Variants in ATP8B1 observed in about 807,000 individuals in gnomAD.
ATP8B1 encodes ATPase phospholipid transporting 8B1.
A neutral mutation model predicts 149.9 loss-of-function variants in ATP8B1; 80 were observed. The ratio of observed to expected loss-of-function variants is 0.53; its 90% CI spans 0.45 to 0.64. The LOEUF (loss-of-function observed/expected upper bound fraction) is 0.64. Ranked by LOEUF, ATP8B1 falls within the 30% of genes least tolerant of loss-of-function variation. The pLI is 0.00. For missense variants in ATP8B1, 1,247 were observed against 1,552.6 expected, an observed-to-expected ratio of 0.80 and a Z score of 3.31; for synonymous variants, 536 against 562.8, an observed-to-expected ratio of 0.95 and a Z score of 0.67.
rs17759233 is a variant in ATP8B1 at position 57,652,212 on chromosome 18, G to A, written c.3262-40C>T. 0.083 allele frequency: 133,084 copies of A among 1,611,344 alleles called. 9,086 individuals are homozygous for A. The highest frequency in any genetic ancestry group is 0.36 in the East Asian group (16,232 of 44,840). On this transcript the variant is annotated intron_variant, in intron 25 of 27. Transcript: ENST00000648908. Reference sequence around the variant, plus strand: ...GAGAAAAACAGAGCACTCATTTTGGGGAGTTAGCAAGAAATAAAGGATCTA... The same window carrying A: ...GAGAAAAACAGAGCACTCATTTTGGAGAGTTAGCAAGAAATAAAGGATCTA...
intron 2 of ATP8B1, among the ~76,000 whole-genome samples, chr18:57,727,901 A>T (rs1175490837): frequency 6.6e-6 from 1 of 152,224 alleles, no homozygotes; most frequent in African/African-American, 2.4e-5. Flanking sequence ...CTCATCCCAT[A>T]GCACTGAAAA....
intron 1 of ATP8B1, among the ~76,000 whole-genome samples, chr18:57,778,253 T>G (rs1269468160): frequency 2.0e-5 from 3 of 146,388 alleles, no homozygotes; most frequent in African/African-American, 5.1e-5. Flanking sequence ...TGAGACGGAG[T>G]CTCGCTCTGT....
chr18:57,772,198 A>G (rs1027128529), intron 1 of ATP8B1, among the ~76,000 whole-genome samples: 10 of 152,180 alleles, frequency 6.6e-5, no homozygotes, highest in Non-Finnish European at 1.5e-4. Context: ...CTACCCGCCC[A>G]TCAGTGGCAA....
chr18:57,713,691 T>C (rs1326527604), intron 2 of ATP8B1, among the ~76,000 whole-genome samples: 1 of 107,692 alleles, frequency 9.3e-6, no homozygotes, highest in Non-Finnish European at 2.0e-5. Context: ...GGTTGCACCA[T>C]GTTGGTCAGG....
intron 11 of ATP8B1, among the ~76,000 whole-genome samples, chr18:57,694,230 G>A (rs1912688446): frequency 6.6e-6 from 1 of 152,116 alleles, no homozygotes; most frequent in African/African-American, 2.4e-5. Context: ...GCCTCTATGG[G>A]AAAGTAACAG....
chr18:57,736,637 T>G (rs2079859295), intron 1 of ATP8B1, among the ~76,000 whole-genome samples: 1 of 150,488 alleles, frequency 6.6e-6, no homozygotes, highest in South Asian at 2.1e-4. Context: ...TTTTTTTTTT[T>G]TTTTGTAGCG....
chr18:57,757,244 C>T (rs1162063862), intron 1 of ATP8B1, among the ~76,000 whole-genome samples: 1 of 152,204 alleles, frequency 6.6e-6, no homozygotes, highest in East Asian at 1.9e-4. Context: ...CACTTTCAAG[C>T]TAGCACTGTG....
intron 1 of ATP8B1, among the ~76,000 whole-genome samples, chr18:57,778,526 G>A (rs1373131588): frequency 5.3e-5 from 8 of 152,094 alleles, no homozygotes; most frequent in Non-Finnish European, 1.0e-4. Flanking sequence ...CACCGCGCCC[G>A]GCCTATAATC....
At chr18:57,791,953 A>T in intron 1 of ATP8B1, among the ~76,000 whole-genome samples, 1 of 152,200 alleles carries the variant, frequency 6.6e-6, no homozygotes, top group Non-Finnish European at 1.5e-5. Context: ...CACTGTGTTT[A>T]CTGCCAGCAC....
intron 2 of ATP8B1, among the ~76,000 whole-genome samples, chr18:57,706,894 TCTCTC>T (rs1913424884): frequency 6.6e-6 from 1 of 152,126 alleles, no homozygotes; most frequent in Non-Finnish European, 1.5e-5. Flanking sequence ...CTAGAACAGA[TCTCTC>T]CCTTGTAGCT....
intron 2 of ATP8B1, among the ~76,000 whole-genome samples, chr18:57,730,984 A>G (rs980407373): frequency 6.6e-6 from 1 of 152,166 alleles, no homozygotes; most frequent in African/African-American, 2.4e-5. Flanking sequence ...TCTTGCCCGC[A>G]TAACTCCATT....
chr18:57,768,406 A>G (rs12970510), intron 1 of ATP8B1, among the ~76,000 whole-genome samples: 24,826 of 114,774 alleles, frequency 0.22, 2,593 homozygotes, highest in Non-Finnish European at 0.32. Context: ...AAAAAAAAAA[A>G]AAAAGAAAAG....
chr18:57,694,723 G>A, intron 10 of ATP8B1, 53 bp from the exon 11 acceptor site: 1 of 1,194,140 alleles, frequency 8.4e-7, no homozygotes, highest in Non-Finnish European at 1.2e-6. Context: ...CAATTCACTA[G>A]CTCACCAATA....
intron 1 of ATP8B1, among the ~76,000 whole-genome samples, chr18:57,741,855 GAGTCTGCCCAGTATTCTTTTATTTACTT>G (rs2079917049): frequency 6.6e-6 from 1 of 152,058 alleles, no homozygotes; most frequent in Non-Finnish European, 1.5e-5. Flanking sequence ...ACCCTGTTTG[GAGTCTGCCCAGTATTCTTTTATTTACTT>G]ATTTGAGACA....
chr18:57,680,295 A>AAAAAAAAAAAAAAAAAAAAAAAAAAC (rs1911872239), intron 15 of ATP8B1, among the ~76,000 whole-genome samples: 1 of 147,470 alleles, frequency 6.8e-6, no homozygotes, highest in Admixed American at 6.9e-5. Flanking sequence ...AAAAAAAAAA[A>AAAAAAAAAAAAAAAAAAAAAAAAAAC]AAAAAAAGAC....
In ATP8B1 at chr18:57,663,990, C is replaced by T. The variant is rs140863478; in HGVS notation, c.2286-1375G>A. On this transcript the variant is annotated intron_variant, in intron 20 of 27. Coordinates refer to ENST00000648908, the MANE Select transcript of ATP8B1 (RefSeq NM_001374385.1). Reference sequence around the variant, plus strand: ...CCATGTTGGCCAGGATGGTCTCAATCTCTTGACTTCATGATCCACCCGCCT... The same window carrying T: ...CCATGTTGGCCAGGATGGTCTCAATTTCTTGACTTCATGATCCACCCGCCT... Among the ~76,000 whole-genome samples the T allele has an allele frequency of 2.7e-3, 407 of 150,874 alleles. 2 individuals carry two copies. The highest frequency in any genetic ancestry group is 9.2e-3 in the African/African-American group (378 of 41,114).
Position 57,661,163 on chromosome 18 carries a change from G to A in ATP8B1, c.2707+11C>T, listed in dbSNP as rs748633006. ...ACGTTGGGCCTCACTGGCCGTGGGT[G>A]CATGACTCACTTTTGATCATGTTCA... is the stretch of plus-strand genomic sequence containing the variant. On this transcript the variant is annotated intron_variant, in intron 22 of 27. Coordinates refer to ENST00000648908, the MANE Select transcript of ATP8B1 (RefSeq NM_001374385.1). 8.2e-5 allele frequency: 132 copies of A among 1,612,736 alleles called. No individual in the cohort carries two copies. The highest frequency in any genetic ancestry group is 1.1e-4 in the Non-Finnish European group (130 of 1,180,026).
intron 1 of ATP8B1, among the ~76,000 whole-genome samples, chr18:57,792,795 G>C (rs1214856468): frequency 6.6e-6 from 1 of 152,112 alleles, no homozygotes; most frequent in East Asian, 1.9e-4. Flanking sequence ...AAATCCATGT[G>C]TATGGAGATG....
In ATP8B1 at chr18:57,691,983, A is replaced by G. The variant is rs767884131; in HGVS notation, c.1044T>C (p.Leu348=). The change falls in exon 12 of 28, where the codon CTT becomes CTC. Residue 348 remains leucine (L), a synonymous_variant. Coordinates refer to ENST00000648908, the MANE Select transcript of ATP8B1 (RefSeq NM_001374385.1). ...TGGCAAGACCAGCAGAAAGCAGAAT[A>G]AGAACAACAAAGATCTAGAAGACAG... ...NYMVYTIFVV[L]ILLSAGLAIG... 6.2e-7 allele frequency: 1 copy of G among 1,613,330 alleles called. No homozygotes were observed.
Sources: gnomAD v4.1 joint callset for allele counts (sites outside exome capture counted in the v4.1 genomes callset) on GRCh38, gnomAD v4.1.1 for gene constraint, MANE v1.5 for transcripts, NCBI Gene and HGNC (gene_info 2026-07-23, HGNC 2026-07-21) for gene names.